The following INO80D variants were observed in gnomAD, a reference collection of about 807,000 sequenced individuals.
The protein encoded by INO80D is INO80 complex subunit D.
INO80D carries 21 observed loss-of-function variants against 87.6 expected under a neutral mutation model. The observed-to-expected ratio is 0.24, with a 90% CI of 0.17 to 0.35. INO80D has a LOEUF of 0.35. INO80D is among the 10% of genes least tolerant of loss of function. The pLI is 1.00. For synonymous variants in INO80D, 440 were observed against 491.0 expected (o/e 0.90, Z 1.37); for missense variants, 982 against 1,280.7 (o/e 0.77, Z 3.56).
At chr2:206,023,136 G>A (rs1312214456) in intron 6 of INO80D, among the ~76,000 whole-genome samples, 1 of 152,070 alleles carries the variant, frequency 6.6e-6, no homozygotes, top group Non-Finnish European at 1.5e-5. Flanking sequence ...GGGAGGCGGA[G>A]CTTGCAGGGA....
chr2:206,034,034 C>T (rs905168101), intron 5 of INO80D, among the ~76,000 whole-genome samples: 1 of 152,060 alleles, frequency 6.6e-6, no homozygotes, highest in African/African-American at 2.4e-5. Context: ...AAATATAACC[C>T]TCCTAGCTTA....
At chr2:206,077,318 C>A (rs897931673) in intron 1 of INO80D, among the ~76,000 whole-genome samples, 2 of 149,402 alleles carry the variant, frequency 1.3e-5, no homozygotes, top group African/African-American at 5.0e-5. Flanking sequence ...CCAGCCTGGG[C>A]GACACAGCGA....
At chr2:206,013,440 T>C (rs1260944942) in intron 8 of INO80D, among the ~76,000 whole-genome samples, 1 of 151,656 alleles carries the variant, frequency 6.6e-6, no homozygotes, top group Non-Finnish European at 1.5e-5. Flanking sequence ...TAGTCCCAGT[T>C]ACTTGGGAGG....
rs1687772791 is a variant in INO80D at position 205,994,525 on chromosome 2, C to T, written c.*9843G>A. On this transcript the variant is annotated 3_prime_UTR_variant, in exon 11 of 11. Coordinates refer to ENST00000403263, the MANE Select transcript of INO80D (RefSeq NM_017759.5). ...CAGTACTCTAGTTGTTAGTACCATA[C>T]AATTGCCAAGAGGCTTTTTGTTAAA... 6.6e-6 allele frequency: 1 copy of T among 152,170 alleles called. No homozygotes were observed. The highest frequency in any genetic ancestry group is 6.5e-5 in the Admixed American group (1 of 15,280). The allele number at this position is 152,170 out of a possible 1,614,324, so 9.4% of individuals were successfully genotyped here.
At chr2:206,052,787 G>A (rs987493603) in intron 4 of INO80D, among the ~76,000 whole-genome samples, 1 of 134,298 alleles carries the variant, frequency 7.4e-6, no homozygotes, top group Non-Finnish European at 1.7e-5. Flanking sequence ...GCAAGAACCT[G>A]TCTCAAAAAA....
At chr2:206,077,697 G>A (rs937593204) in intron 1 of INO80D, among the ~76,000 whole-genome samples, 3 of 152,136 alleles carry the variant, frequency 2.0e-5, no homozygotes, top group Non-Finnish European at 4.4e-5. Flanking sequence ...AGGACAAGAG[G>A]AAAGAAGAAA....
In INO80D at chr2:206,018,135, G is replaced by A. The variant is rs1575806902; in HGVS notation, c.1409-322C>T. ...AACTCCACTTAAAGTTCCACTTCATGTTTTTTTTGTTTTGTTTTTTGTTTT... is the reference window on the plus strand; with the variant it reads ...AACTCCACTTAAAGTTCCACTTCATATTTTTTTTGTTTTGTTTTTTGTTTT... On this transcript the variant is annotated intron_variant, in intron 7 of 10. Coordinates refer to ENST00000403263, the MANE Select transcript of INO80D (RefSeq NM_017759.5). 2.0e-5 allele frequency among the ~76,000 whole-genome samples: 3 copies of A among 151,896 alleles called. No individual in the cohort carries two copies. The East Asian group carries it at 5.8e-4, about 29-fold the overall frequency.
chr2:206,057,741 G>T (rs1689562668), intron 3 of INO80D, among the ~76,000 whole-genome samples: 1 of 151,918 alleles, frequency 6.6e-6, no homozygotes, highest in South Asian at 2.1e-4. Context: ...GTTGCACCAG[G>T]ATCTCACAAA....
intron 6 of INO80D, among the ~76,000 whole-genome samples, chr2:206,027,579 C>T (rs963014841): frequency 6.6e-6 from 1 of 152,026 alleles, no homozygotes; most frequent in African/African-American, 2.4e-5. Flanking sequence ...TTTCACATGC[C>T]TATAGTCCCA....
intron 1 of INO80D, among the ~76,000 whole-genome samples, chr2:206,080,303 C>T (rs371147456): frequency 5.3e-5 from 8 of 152,150 alleles, no homozygotes; most frequent in East Asian, 1.9e-4. Flanking sequence ...GCAACACTAC[C>T]GTCCACGGGG....
rs574854237 is a variant in INO80D at position 206,061,983 on chromosome 2, A to G, written c.218+816T>C. ...CTATATAGTTTCTGGAGAATTGAAG[A>G]AAAAGAAGCACAGAGAAGAGATTAT... On this transcript the variant is annotated intron_variant, in intron 3 of 10. Coordinates refer to ENST00000403263, the MANE Select transcript of INO80D (RefSeq NM_017759.5). Among the ~76,000 whole-genome samples, 32 of 152,344 alleles carry G rather than the reference A, an allele frequency of 2.1e-4. No homozygotes were observed. In the South Asian group the frequency reaches 6.6e-3, roughly 32 times the overall value.
chr2:206,014,181 A>T (rs968521274), intron 8 of INO80D, among the ~76,000 whole-genome samples: 10 of 151,646 alleles, frequency 6.6e-5, no homozygotes, highest in African/African-American at 2.4e-4. Context: ...AAAACAACCT[A>T]TATTTTAAAT....
chr2:206,053,418 A>G (rs1335372339), intron 4 of INO80D, among the ~76,000 whole-genome samples: 3 of 152,218 alleles, frequency 2.0e-5, no homozygotes, highest in Non-Finnish European at 4.4e-5. Flanking sequence ...TAGAAAGAAT[A>G]TATCAAGGTA....
At chr2:206,058,630 G>T (rs750523493) in intron 3 of INO80D, among the ~76,000 whole-genome samples, 2 of 151,944 alleles carry the variant, frequency 1.3e-5, no homozygotes, top group African/African-American at 2.4e-5. Flanking sequence ...AGCTACTCAG[G>T]AGGCTGAGGT....
intron 1 of INO80D, among the ~76,000 whole-genome samples, chr2:206,067,279 G>A (rs1275849220): frequency 6.6e-6 from 1 of 151,640 alleles, no homozygotes; most frequent in Non-Finnish European, 1.5e-5. Flanking sequence ...GTAGAACAGA[G>A]GCTAGAGGCT....
rs1687919288 is a variant in INO80D, at chr2:206,002,214, A to G, written c.*2154T>C. ...ATGATGGTTGTGAAAATAGTTTAAC[A>G]AACTAAATGACATTTTTGAGCCGAG... On this transcript the variant is annotated 3_prime_UTR_variant, in exon 11 of 11. Transcript: ENST00000403263. 1 of 152,224 alleles carries G rather than the reference A, an allele frequency of 6.6e-6. No individual in the cohort carries two copies. Among genetic ancestry groups the G allele is most frequent in the African/African-American group, 2.4e-5 (1 of 41,456 alleles). The allele number at this position is 152,224 out of a possible 1,614,324, so 9.4% of individuals were successfully genotyped here. A position where few individuals can be genotyped will look rare whatever the true frequency, so the allele number is the denominator to read the frequency against.
intron 1 of INO80D, among the ~76,000 whole-genome samples, chr2:206,080,525 T>C (rs776998984): frequency 7.2e-5 from 11 of 152,190 alleles, no homozygotes; most frequent in Non-Finnish European, 1.2e-4. Flanking sequence ...CCCATTAAAG[T>C]AATTATAATA....
chr2:206,045,152 C>T (rs868508642), intron 5 of INO80D, among the ~76,000 whole-genome samples: 3 of 152,210 alleles, frequency 2.0e-5, no homozygotes, highest in Non-Finnish European at 2.9e-5. Context: ...ACTAACCCTA[C>T]TTGCTCTAAT....
In INO80D at chr2:206,017,711, G is replaced by C. The variant is rs768824062; in HGVS notation, c.1511C>G (p.Thr504Arg). The change falls in exon 8 of 11, where the codon ACA becomes AGA. Residue 504 changes from threonine (T) to arginine (R), a missense_variant. By Grantham distance (71) the Thr-to-Arg change is moderately conservative. Coordinates refer to ENST00000403263, the MANE Select transcript of INO80D (RefSeq NM_017759.5). ...TTTGGCATGTTCTTCACACAGAGGT[G>C]TCTGATGTGTAATGTCAAAAACTGG... The part of the protein sequence containing the change: ...SVPVFDITHQ[T>R]PLCEEHAKKM... The C allele has an allele frequency of 6.2e-7, 1 of 1,608,682 alleles. No homozygotes were observed. The highest frequency in any genetic ancestry group is 8.5e-7 in the Non-Finnish European group (1 of 1,178,084).
Sources: allele counts gnomAD v4.1 joint callset (sites outside exome capture counted in the v4.1 genomes callset), GRCh38; gene constraint gnomAD v4.1.1; transcripts MANE v1.5; gene names NCBI Gene and HGNC (gene_info 2026-07-23, HGNC 2026-07-21).